Variants in CDHR2 observed in about 807,000 individuals in gnomAD.
The protein encoded by CDHR2 is cadherin related family member 2, also known as cadherin-related family member 2.
Under a neutral mutation model 138.6 loss-of-function variants are expected in CDHR2, and 104 were observed. That is an observed-to-expected ratio of 0.75 (90% CI 0.64 to 0.88). The LOEUF is 0.88. CDHR2 is among the 40% of genes least tolerant of loss of function. The pLI, the probability that CDHR2 is intolerant of heterozygous loss-of-function variation, is 0.00. For missense variants in CDHR2, 1,624 were observed against 1,727.6 expected, an observed-to-expected ratio of 0.94 and a Z score of 1.06; for synonymous variants, 755 against 742.8, an observed-to-expected ratio of 1.02 and a Z score of -0.27.
intron 6 of CDHR2, 71 bp from the exon 7 acceptor site, chr5:176,574,012 G>T: frequency 8.5e-7 from 1 of 1,176,492 alleles, no homozygotes; most frequent in South Asian, 1.3e-5. Flanking sequence ...CTGAAGCTCA[G>T]GGGGGCAGTG....
intron 21 of CDHR2, among the ~76,000 whole-genome samples, chr5:176,588,473 G>A (rs1030704294): frequency 1.3e-5 from 1 of 74,790 alleles, no homozygotes; most frequent in African/African-American, 6.5e-5. Context: ...GAGTGTATGT[G>A]AGTGTGAGAG....
At chr5:176,544,311 ATTTC>A (rs930093618) in intron 1 of CDHR2, among the ~76,000 whole-genome samples, 44 of 149,372 alleles carry the variant, frequency 2.9e-4, no homozygotes, top group South Asian at 4.3e-4. Context: ...TGGGTCCCCA[ATTTC>A]TTTCTTTCTT....
intron 1 of CDHR2, among the ~76,000 whole-genome samples, chr5:176,544,333 C>T (rs1048468869): frequency 2.0e-5 from 3 of 151,092 alleles, no homozygotes; most frequent in Non-Finnish European, 4.4e-5. Context: ...CTTTCTTTTC[C>T]TTCCTTCCTT....
intron 17 of CDHR2, among the ~76,000 whole-genome samples, chr5:176,583,831 G>A (rs951220492): frequency 6.6e-6 from 1 of 152,190 alleles, no homozygotes; most frequent in Non-Finnish European, 1.5e-5. Context: ...CAATAAATCC[G>A]AGAGATGGGA....
intron 31 of CDHR2, among the ~76,000 whole-genome samples, chr5:176,595,123 C>CA (rs1758989856): frequency 6.6e-6 from 1 of 152,186 alleles, no homozygotes; most frequent in African/African-American, 2.4e-5. Context: ...TTCCCTCCCT[C>CA]AGAGGGTTTC....
intron 2 of CDHR2, 49 bp from the exon 3 acceptor site, chr5:176,565,623 C>T (rs553657478): frequency 8.3e-5 from 128 of 1,535,874 alleles, no homozygotes; most frequent in Non-Finnish European, 1.0e-4. Flanking sequence ...AGGTAGGGAT[C>T]GGGTTTTGCA....
In CDHR2 at chr5:176,565,415, C is replaced by G. The variant is rs555024555; in HGVS notation, c.52+11C>G. On this transcript the variant is annotated intron_variant, in intron 2 of 31. Transcript: ENST00000261944. The stretch of plus-strand genomic sequence containing the variant: ...CCCTCGTGGTGTCTGGTAGGTGTCT[C>G]CCCTCCCCAGCCACGCAGCCCTAAC... 17 of 1,613,366 alleles carry G rather than the reference C, an allele frequency of 1.1e-5. No individual in the cohort carries two copies. The highest frequency in any genetic ancestry group is 1.4e-5 in the Non-Finnish European group (16 of 1,179,328).
At chr5:176,577,868 G>GTC (rs1758433650) in intron 14 of CDHR2, 70 bp downstream of exon 14, 1 of 1,546,932 alleles carries the variant, frequency 6.5e-7, no homozygotes, top group Non-Finnish European at 8.8e-7. Context: ...GTGTGAGAGT[G>GTC]TGTGTGTGTG....
intron 16 of CDHR2, among the ~76,000 whole-genome samples, chr5:176,578,862 T>C (rs1758466016): frequency 6.6e-6 from 1 of 152,144 alleles, no homozygotes; most frequent in East Asian, 1.9e-4. Flanking sequence ...CATACACTTC[T>C]TTTTTATTTA....
intron 30 of CDHR2, 55 bp downstream of exon 30, chr5:176,591,539 C>T (rs1044916906): frequency 8.4e-5 from 110 of 1,314,972 alleles, no homozygotes; most frequent in East Asian, 4.4e-4. Flanking sequence ...CAGGTAGTGA[C>T]GGTGGTGGTG....
Position 176,575,176 on chromosome 5 carries a change from G to A in CDHR2, c.588G>A (p.Lys196=), listed in dbSNP as rs763978563. 16 of 1,614,212 alleles carry A rather than the reference G, an allele frequency of 9.9e-6. No homozygotes were observed. The highest frequency in any genetic ancestry group is 1.3e-5 in the Non-Finnish European group (15 of 1,180,050). ...ATGGCAGCCTCAGCTACAACAACAA[G>A]AGCGCTTTCTACCAGCTGGAGCTGA... ...VLNGSLSYNN[K]SAFYQLELKA... is the part of the protein sequence containing the mutation. Residue 196 remains lysine (K), a synonymous_variant, in exon 8 of 32, where the codon AAG becomes AAA. Coordinates refer to ENST00000261944, the MANE Select transcript of CDHR2 (RefSeq NM_017675.6).
chr5:176,575,142 T>C lies in CDHR2; in HGVS notation c.554T>C (p.Ile185Thr). The C allele has an allele frequency of 6.2e-7, 1 of 1,614,158 alleles. No individual in the cohort carries two copies. Among genetic ancestry groups the C allele is most frequent in the South Asian group, 1.1e-5 (1 of 91,090 alleles). The part of the protein sequence containing the change: ...HLFRILANGS[I>T]VLNGSLSYNN... ...TTCCGGATCCTGGCCAATGGCTCCA[T>C]AGTCCTCAATGGCAGCCTCAGCTAC... Residue 185 changes from isoleucine to threonine, a missense_variant, in exon 8 of 32, where the codon ATA becomes ACA. Coordinates refer to ENST00000261944, the MANE Select transcript of CDHR2 (RefSeq NM_017675.6).
At chr5:176,585,088 A>C in intron 19 of CDHR2, 73 bp downstream of exon 19, 1 of 1,453,162 alleles carries the variant, frequency 6.9e-7, no homozygotes. Context: ...CTGGGCTGGA[A>C]CTCACAAGGT....
At position 176,591,342 on chromosome 5, in the gene CDHR2, G is replaced by A. The variant is rs1758836740; in HGVS notation, c.3653+19G>A. 2.5e-6 allele frequency: 4 copies of A among 1,610,862 alleles called. No homozygotes were observed. The East Asian group carries it at 8.9e-5, about 36-fold the overall frequency. On this transcript the variant is annotated intron_variant, in intron 29 of 31. Transcript: ENST00000261944. ...CTGAGCGGTGAGCAGGGGTCAAAGG[G>A]TAGGTAAGAGGCCTGGTGGGGTGGC... is the stretch of plus-strand genomic sequence containing the variant.
chr5:176,583,685 C>T lies in CDHR2; in HGVS notation c.2059-505C>T, dbSNP rs530109040. Among the ~76,000 whole-genome samples, 29 of 152,232 alleles carry T rather than the reference C, an allele frequency of 1.9e-4. No individual in the cohort carries two copies. The South Asian group carries it at 3.1e-3, about 16-fold the overall frequency. ...GCAGGTCTAAGCTTCTGCAGGTCCC[C>T]GGAGCCCAGCTCTGACTGAGCACAG... is the stretch of plus-strand genomic sequence containing the variant. On this transcript the variant is annotated intron_variant, in intron 17 of 31. Transcript: ENST00000261944.
chr5:176,591,565 GTGA>G (rs1207248020), intron 30 of CDHR2, 81 bp downstream of exon 30: 2 of 997,240 alleles, frequency 2.0e-6, no homozygotes, highest in Admixed American at 1.7e-5. Context: ...GGTGTTGGTG[GTGA>G]TGATGGTGAT....
At position 176,584,175 on chromosome 5, in the gene CDHR2, T is replaced by C. The variant is rs372150934; in HGVS notation, c.2059-15T>C. 1.0e-4 allele frequency: 163 copies of C among 1,612,484 alleles called. No homozygotes were observed. In the African/African-American group the frequency reaches 2.0e-3, roughly 20 times the overall value. On this transcript the variant is annotated splice_polypyrimidine_tract_variant and intron_variant, in intron 17 of 31. Transcript: ENST00000261944. ...AGATTGGATCCCGGGGACTCAGACC[T>C]GTCTCTGACTGCAGGACATCAATGA... is the stretch of plus-strand genomic sequence containing the variant.
intron 1 of CDHR2, among the ~76,000 whole-genome samples, chr5:176,554,172 C>T (rs1757770016): frequency 6.6e-6 from 1 of 152,188 alleles, no homozygotes; most frequent in African/African-American, 2.4e-5. Context: ...CCAAGGTTCC[C>T]CTGGCTAGAG....
intron 24 of CDHR2, 58 bp downstream of exon 24, chr5:176,589,674 C>A (rs531353695): frequency 1.4e-6 from 2 of 1,481,270 alleles, no homozygotes; most frequent in South Asian, 1.1e-5. Flanking sequence ...GGAGCCTGGT[C>A]CCCGACAAAA....
Sources: allele counts gnomAD v4.1 joint callset (sites outside exome capture counted in the v4.1 genomes callset), GRCh38; gene constraint gnomAD v4.1.1; transcripts MANE v1.5; gene names NCBI Gene and HGNC (gene_info 2026-07-23, HGNC 2026-07-21).